Variants in KSR1 observed in about 807,000 individuals in gnomAD.
KSR1 encodes kinase suppressor of ras 1.
Under a neutral mutation model 92.9 loss-of-function variants are expected in KSR1, and 35 were observed. The observed-to-expected ratio is 0.38, with a 90% CI of 0.29 to 0.50. The LOEUF (loss-of-function observed/expected upper bound fraction) is 0.50. Ranked by LOEUF, KSR1 falls within the 20% of genes least tolerant of loss-of-function variation. KSR1 has a pLI of 0.94. For synonymous variants in KSR1, 467 were observed against 472.6 expected (o/e 0.99, Z 0.15); for missense variants, 972 against 1,158.5 (o/e 0.84, Z 2.34).
At chr17:27,578,254 GA>G (rs1201675456) in intron 3 of KSR1, 2 of 156,694 alleles carry the variant, frequency 1.3e-5, no homozygotes, top group African/African-American at 4.8e-5. Flanking sequence ...TAAGCCTCAT[GA>G]ATGGAATCAG....
chr17:27,482,308 A>T (rs896635191), intron 1 of KSR1, among the ~76,000 whole-genome samples: 1 of 152,120 alleles, frequency 6.6e-6, no homozygotes, highest in Non-Finnish European at 1.5e-5. Context: ...AGGAGCAGGG[A>T]TTCACTGTCT....
intron 2 of KSR1, chr17:27,560,436 CTG>C (rs762325623): frequency 1.9e-6 from 1 of 519,086 alleles, no homozygotes; most frequent in East Asian, 5.4e-5. Context: ...GGTTCCTGAA[CTG>C]AAGATGCAGG....
At chr17:27,554,223 G>C (rs2071506829) in intron 2 of KSR1, among the ~76,000 whole-genome samples, 1 of 152,134 alleles carries the variant, frequency 6.6e-6, no homozygotes, top group Non-Finnish European at 1.5e-5. Context: ...TTGAATTTTT[G>C]CGGTCAGACC....
intron 11 of KSR1, chr17:27,601,953 C>T (rs763116645): frequency 6.2e-7 from 1 of 1,602,314 alleles, no homozygotes; most frequent in Non-Finnish European, 8.5e-7. Flanking sequence ...AAGGAAAACG[C>T]TTTCAGTAAG....
chr17:27,596,298 C>G (rs2073343239), intron 9 of KSR1, among the ~76,000 whole-genome samples: 1 of 152,150 alleles, frequency 6.6e-6, no homozygotes, highest in African/African-American at 2.4e-5. Flanking sequence ...CAGCTCAGGC[C>G]GAGGCCTTCT....
intron 1 of KSR1, among the ~76,000 whole-genome samples, chr17:27,512,435 G>A (rs1008638639): frequency 6.6e-6 from 1 of 152,174 alleles, no homozygotes; most frequent in Non-Finnish European, 1.5e-5. Context: ...AAGATGTATT[G>A]AGAATGGCCA....
intron 1 of KSR1, among the ~76,000 whole-genome samples, chr17:27,467,843 C>G (rs1184358029): frequency 6.7e-6 from 1 of 149,782 alleles, no homozygotes; most frequent in Non-Finnish European, 1.5e-5. Flanking sequence ...CGGAGTCTCG[C>G]TCTGTCCCCC....
chr17:27,543,754 C>G lies in KSR1; in HGVS notation c.232-6814C>G, dbSNP rs1412663858. On this transcript the variant is annotated intron_variant, in intron 1 of 20. Coordinates refer to ENST00000644974, the MANE Select transcript of KSR1 (RefSeq NM_001394583.1). Reference sequence around the variant, plus strand: ...GATGTCATTTCATTCCCGTCACATCCTCTGGTGCTGAGGTTGGAGGTGAGC... The same window carrying G: ...GATGTCATTTCATTCCCGTCACATCGTCTGGTGCTGAGGTTGGAGGTGAGC... Among the ~76,000 whole-genome samples, 3 of 152,194 alleles carry G rather than the reference C, an allele frequency of 2.0e-5. No homozygotes were observed. In the East Asian group the frequency reaches 5.8e-4, roughly 29 times the overall value.
chr17:27,505,157 A>G (rs1273461895), intron 1 of KSR1, among the ~76,000 whole-genome samples: 1 of 152,198 alleles, frequency 6.6e-6, no homozygotes, highest in Non-Finnish European at 1.5e-5. Context: ...GCCACGGGCT[A>G]TGACACTTCA....
intron 1 of KSR1, among the ~76,000 whole-genome samples, chr17:27,496,876 C>T (rs1366497797): frequency 2.0e-5 from 3 of 152,234 alleles, no homozygotes; most frequent in South Asian, 2.1e-4. Flanking sequence ...ACAGCCCTGC[C>T]GTGTCCTCCT....
chr17:27,610,009 G>A (rs2073870563), intron 16 of KSR1, 58 bp from the exon 17 acceptor site: 6 of 1,602,456 alleles, frequency 3.7e-6, no homozygotes, highest in Non-Finnish European at 5.1e-6. Flanking sequence ...GTGCCAGGCA[G>A]GCCTCTTTGC....
chr17:27,481,842 A>G (rs1247482701), intron 1 of KSR1, among the ~76,000 whole-genome samples: 2 of 152,152 alleles, frequency 1.3e-5, no homozygotes, highest in African/African-American at 4.8e-5. Flanking sequence ...CTGAGTCTCC[A>G]CTGTCCATTA....
At chr17:27,585,247 C>T (rs929601482) in intron 4 of KSR1, among the ~76,000 whole-genome samples, 3 of 152,174 alleles carry the variant, frequency 2.0e-5, no homozygotes, top group Non-Finnish European at 4.4e-5. Flanking sequence ...CTCCAGCTGA[C>T]TGACCCCTTT....
intron 12 of KSR1, 111 bp from the exon 13 acceptor site, chr17:27,604,569 G>T (rs951558234): frequency 6.4e-6 from 7 of 1,091,942 alleles, no homozygotes; most frequent in Admixed American, 1.7e-5. Flanking sequence ...CCCTAGCCAG[G>T]TGTGAGTCAG....
At chr17:27,523,448 C>CA (rs1371645311) in intron 1 of KSR1, among the ~76,000 whole-genome samples, 3 of 150,602 alleles carry the variant, frequency 2.0e-5, no homozygotes, top group African/African-American at 7.3e-5. Context: ...AAATGAGAGA[C>CA]ATGTTGCTGC....
At chr17:27,590,443 A>G (rs11080226) in intron 6 of KSR1, among the ~76,000 whole-genome samples, 22,651 of 152,168 alleles carry the variant, frequency 0.15, 1,857 homozygotes, top group Admixed American at 0.23. Flanking sequence ...TGCTGCAGGC[A>G]TACCTTGTCC....
At chr17:27,601,190 C>T in intron 10 of KSR1, 170 bp from the exon 11 acceptor site, 1 of 605,180 alleles carries the variant, frequency 1.7e-6, no homozygotes, top group Non-Finnish European at 2.9e-6. Context: ...TCTCCCAGCT[C>T]TTTTCCTCCT....
intron 1 of KSR1, among the ~76,000 whole-genome samples, chr17:27,481,900 G>C (rs753973868): frequency 6.6e-6 from 1 of 152,158 alleles, no homozygotes; most frequent in Non-Finnish European, 1.5e-5. Flanking sequence ...TGGTGCCCTT[G>C]GGCTTTGGAG....
rs1237441014 is a variant in KSR1, at chr17:27,559,209, T to G, written c.372+8501T>G. The stretch of plus-strand genomic sequence containing the variant: ...TGCATTTCCAGGTTCCTGGTGTGGC[T>G]GAGGTGGCCCTGCGTGGGTTTCTTT... On this transcript the variant is annotated intron_variant, in intron 2 of 20. Transcript: ENST00000644974. This position sits in a 1 kb window ranked among gnomAD's most constrained non-coding sequence, Gnocchi z 4.2. Among the ~76,000 whole-genome samples the G allele has an allele frequency of 2.0e-5, 3 of 152,238 alleles. No individual in the cohort carries two copies. Among genetic ancestry groups the G allele is most frequent in the Non-Finnish European group, 4.4e-5 (3 of 68,032 alleles).
Sources: allele counts gnomAD v4.1 joint callset (sites outside exome capture counted in the v4.1 genomes callset), GRCh38; gene constraint gnomAD v4.1.1; non-coding constraint Gnocchi (gnomAD v3.1); transcripts MANE v1.5; gene names NCBI Gene and HGNC (gene_info 2026-07-23, HGNC 2026-07-21).